The following ZNF473 variants were observed in gnomAD, a reference collection of about 807,000 sequenced individuals.
ZNF473 encodes zinc finger protein 473, also known as zinc finger protein 100 homolog.
Under a neutral mutation model 11.1 loss-of-function variants are expected in ZNF473, and 4 were observed. The ratio of observed to expected loss-of-function variants is 0.36; its 90% CI spans 0.18 to 0.82. The LOEUF (loss-of-function observed/expected upper bound fraction) is 0.82, where lower values mean the gene tolerates loss of function less well. Ranked by LOEUF, ZNF473 falls within the 40% of genes least tolerant of loss-of-function variation. The pLI is 0.49. For missense variants in ZNF473, 854 were observed against 1,084.0 expected (o/e 0.79, Z 2.98); for synonymous variants, 404 against 390.4 (o/e 1.03, Z -0.41).
At chr19:50,037,392 T>C (rs1022711811) in intron 2 of ZNF473, among the ~76,000 whole-genome samples, 1 of 152,188 alleles carries the variant, frequency 6.6e-6, no homozygotes, top group Admixed American at 6.5e-5. Context: ...TTTCTTAAAA[T>C]GTGCCTGTGC....
At chr19:50,037,658 C>CAAAAA (rs67239809) in intron 2 of ZNF473, among the ~76,000 whole-genome samples, 4,855 of 138,400 alleles carry the variant, frequency 0.035, 269 homozygotes, top group African/African-American at 0.12. Context: ...CCTACTCTAC[C>CAAAAA]AAAAAAAAAA....
At position 50,041,799 on chromosome 19, in the gene ZNF473, G is replaced by T. The variant is rs781147708; in HGVS notation, c.206G>T (p.Ser69Ile). 6.2e-7 allele frequency: 1 copy of T among 1,612,892 alleles called. No individual in the cohort carries two copies. The highest frequency in any genetic ancestry group is 1.7e-5 in the Admixed American group (1 of 59,900). Residue 69 changes from serine to isoleucine, a missense_variant, in exon 4 of 5, where the codon AGC becomes ATC. This residue lies in a region of ZNF473 where 668 missense variants were observed against 790.2 expected (regional missense o/e 0.85). Coordinates refer to ENST00000270617, the MANE Select transcript of ZNF473 (RefSeq NM_015428.4). ...SEDLEPLAGG[S>I]PEATSPDVTE... The stretch of plus-strand genomic sequence containing the variant: ...GATCTGGAGCCTCTGGCAGGAGGAA[G>T]CCCAGAAGCAACAAGCCCTGGTGAG...
chr19:50,047,469 C>T lies in ZNF473; in HGVS notation c.*410C>T, dbSNP rs1568412997. 1 of 175,208 alleles carries T rather than the reference C, an allele frequency of 5.7e-6. No individual in the cohort carries two copies. The allele number at this position is 175,208 out of a possible 1,614,324, so 10.9% of individuals were successfully genotyped here. A position where few individuals can be genotyped will look rare whatever the true frequency, so the allele number is the denominator to read the frequency against. ...ATGAGGGCTCACCAAGTGTAAGCCA[C>T]AAATACACATCAGCTATAGCACAAA... On this transcript the variant is annotated 3_prime_UTR_variant, in exon 5 of 5. Transcript: ENST00000270617.
chr19:50,044,609 C>T, intron 4 of ZNF473, 61 bp from the exon 5 acceptor site: 1 of 1,380,112 alleles, frequency 7.2e-7, no homozygotes, highest in Non-Finnish European at 1.0e-6. Flanking sequence ...ATCACCCCTA[C>T]TTGCTCTTGT....
In ZNF473 at chr19:50,046,590, GCCTTTCTA is replaced by G. The variant is rs1568412276; in HGVS notation, c.2148_2155del (p.Cys716Ter). 6.2e-7 allele frequency: 1 copy of G among 1,614,246 alleles called. No individual in the cohort carries two copies. The highest frequency in any genetic ancestry group is 1.1e-5 in the South Asian group (1 of 91,090). On this transcript the variant is annotated stop_gained and frameshift_variant, in exon 5 of 5. Coordinates refer to ENST00000270617, the MANE Select transcript of ZNF473 (RefSeq NM_015428.4). LOFTEE classifies it low-confidence loss of function (END_TRUNC). The surrounding 1 kb of genome is among the most constrained non-coding windows in gnomAD (Gnocchi z 5.9). ...GGGAAAACGTTCCGTCAGAGCTCAT[GCCTTTCTA>G]AGCATCAGAGAATTCACTCAGGTGA...
At chr19:50,027,176 C>T (rs1394094064) in intron 1 of ZNF473, among the ~76,000 whole-genome samples, 1 of 152,142 alleles carries the variant, frequency 6.6e-6, no homozygotes, top group African/African-American at 2.4e-5. Context: ...CACCCCCCCA[C>T]ACCCCGAGGA....
rs770531783 is a variant in ZNF473, at chr19:50,045,630, T to C, written c.1187T>C (p.Leu396Pro). The C allele has an allele frequency of 1.2e-5, 19 of 1,613,982 alleles. No individual in the cohort carries two copies. The highest frequency in any genetic ancestry group is 1.5e-5 in the Non-Finnish European group (18 of 1,180,010). Residue 396 changes from leucine (L) to proline (P), a missense_variant, in exon 5 of 5, where the codon CTT (leucine) becomes CCT (proline). Leu to Pro is a moderately conservative substitution (Grantham distance 98). Coordinates refer to ENST00000270617, the MANE Select transcript of ZNF473 (RefSeq NM_015428.4). Reference protein sequence around the residue: ...HSSLLIEHQALHAGEEPYKCN... With the variant: ...HSSLLIEHQAPHAGEEPYKCN... ...TCGCTGCTCATTGAACACCAGGCTC[T>C]TCATGCTGGAGAGGAGCCTTATAAG...
At chr19:50,042,112 ACT>A (rs1978812651) in intron 4 of ZNF473, 1 of 215,854 alleles carries the variant, frequency 4.6e-6, no homozygotes, top group South Asian at 1.1e-4. Context: ...TACGCCCTCC[ACT>A]CTCTCAGTTG....
chr19:50,046,642 T>A lies in ZNF473; in HGVS notation c.2199T>A (p.Asp733Glu). Residue 733 changes from aspartate to glutamate, a missense_variant, in exon 5 of 5, where the codon GAT becomes GAA. Asp to Glu is a conservative substitution (Grantham distance 45). Coordinates refer to ENST00000270617, the MANE Select transcript of ZNF473 (RefSeq NM_015428.4). This position sits in a 1 kb window ranked among gnomAD's most constrained non-coding sequence, Gnocchi z 5.9. ...IHSGEKPYVC[D>E]YCGKAFGLSA... ...CAGGTGAGAAGCCCTATGTATGTGA[T>A]TACTGCGGGAAGGCCTTCGGCCTGA... The A allele has an allele frequency of 6.2e-7, 1 of 1,614,228 alleles. No homozygotes were observed. The highest frequency in any genetic ancestry group is 8.5e-7 in the Non-Finnish European group (1 of 1,180,042).
Position 50,044,840 on chromosome 19 carries a change from C to A in ZNF473, c.397C>A (p.Leu133Met), listed in dbSNP as rs573775599. ...TTTGCTAGGCGATCCAGAAAGTCTT[C>A]TGAGGTCTGATATTGCCACCAACGG... is the stretch of plus-strand genomic sequence containing the variant. The part of the protein sequence containing the change: ...DSLLGDPESL[L>M]RSDIATNGES... Residue 133 changes from leucine (L) to methionine (M), a missense_variant, in exon 5 of 5, where the codon CTG becomes ATG. Transcript: ENST00000270617. 2.1e-4 allele frequency: 332 copies of A among 1,614,216 alleles called. 5 individuals are homozygous for A. The South Asian group carries it at 3.4e-3, about 17-fold the overall frequency.
At chr19:50,034,062 T>C (rs780708471) in intron 2 of ZNF473, among the ~76,000 whole-genome samples, 10 of 152,202 alleles carry the variant, frequency 6.6e-5, no homozygotes, top group Non-Finnish European at 1.2e-4. Context: ...AAACTTTACA[T>C]GTCCCAAACC....
At chr19:50,034,854 C>G (rs1012943859) in intron 2 of ZNF473, among the ~76,000 whole-genome samples, 1 of 152,168 alleles carries the variant, frequency 6.6e-6, no homozygotes, top group African/African-American at 2.4e-5. Context: ...GACTCATGGT[C>G]AATCCTTTTA....
In ZNF473 at chr19:50,039,053, GT is replaced by G; in HGVS notation, c.10-103del. ...TTCTTGTGAGGCTGAGGATGGGATG[GT>G]TTTTGCCAAAGCCCTGGCAGATTGA... On this transcript the variant is annotated intron_variant, in intron 2 of 4. Transcript: ENST00000270617. This position sits in a 1 kb window ranked among gnomAD's most constrained non-coding sequence, Gnocchi z 4.8. 6.9e-7 allele frequency: 1 copy of G among 1,441,466 alleles called. No individual in the cohort carries two copies. 89.3% of individuals were successfully genotyped at this position (1,441,466 alleles called of 1,614,324 possible). A position where few individuals can be genotyped will look rare whatever the true frequency, so the allele number is the denominator to read the frequency against.
chr19:50,029,580 G>T (rs1463084898), intron 1 of ZNF473, among the ~76,000 whole-genome samples: 1 of 152,218 alleles, frequency 6.6e-6, no homozygotes, highest in African/African-American at 2.4e-5. Context: ...AGTGATCCGT[G>T]CTGCTTTGTG....
At chr19:50,031,527 T>C (rs1011112086) in intron 2 of ZNF473, among the ~76,000 whole-genome samples, 1 of 152,190 alleles carries the variant, frequency 6.6e-6, no homozygotes, top group Non-Finnish European at 1.5e-5. Flanking sequence ...TTCCATGTGG[T>C]AGTGTCTCAC....
chr19:50,044,062 GA>G (rs1978932820), intron 4 of ZNF473, among the ~76,000 whole-genome samples: 1 of 152,142 alleles, frequency 6.6e-6, no homozygotes, highest in Non-Finnish European at 1.5e-5. Flanking sequence ...GATATAGTCA[GA>G]TCCATTAACT....
chr19:50,039,226 G>A lies in ZNF473; in HGVS notation c.75G>A (p.Leu25=), dbSNP rs1280719245. ...FTLGDWEQLG[L]EQGDTFWDTA... is the part of the protein sequence containing the mutation. ...TGGGAGACTGGGAGCAGCTCGGGCT[G>A]GAACAGGGGGACACGTTCTGGGACA... Residue 25 remains leucine (L), a synonymous_variant, in exon 3 of 5, where the codon CTG becomes CTA. Transcript: ENST00000270617. This position sits in a 1 kb window ranked among gnomAD's most constrained non-coding sequence, Gnocchi z 4.8. The A allele has an allele frequency of 6.2e-7, 1 of 1,614,056 alleles. No homozygotes were observed. Among genetic ancestry groups the A allele is most frequent in the Non-Finnish European group, 8.5e-7 (1 of 1,180,018 alleles).
Position 50,030,994 on chromosome 19 carries a change from C to A in ZNF473, c.-89C>A. The A allele has an allele frequency of 6.5e-7, 1 of 1,537,406 alleles. No individual in the cohort carries two copies. Among genetic ancestry groups the A allele is most frequent in the Non-Finnish European group, 8.8e-7 (1 of 1,135,080 alleles). On this transcript the variant is annotated 5_prime_UTR_variant, in exon 2 of 5. Coordinates refer to ENST00000270617, the MANE Select transcript of ZNF473 (RefSeq NM_015428.4). ...GGGTGGAAGGGAGGCTTTCTCACAG[C>A]TCCCTTGTGCTTCCCACAGCCCTGC... is the stretch of plus-strand genomic sequence containing the variant.
chr19:50,035,452 CGTGTGTGTGTGT>C (rs3222106), intron 2 of ZNF473, among the ~76,000 whole-genome samples: 20 of 138,392 alleles, frequency 1.4e-4, no homozygotes, highest in African/African-American at 3.3e-4. Flanking sequence ...TTCTTTCATA[CGTGTGTGTGTGT>C]GTGTGTGTGT....
Sources: gnomAD v4.1 joint callset for allele counts (sites outside exome capture counted in the v4.1 genomes callset) on GRCh38, gnomAD v4.1.1 for gene constraint, gnomAD v4.1.1 regional missense constraint, Gnocchi (gnomAD v3.1) non-coding constraint, MANE v1.5 for transcripts, NCBI Gene and HGNC (gene_info 2026-07-23, HGNC 2026-07-21) for gene names.